The following DNAH14 variants were observed in gnomAD, a reference collection of about 807,000 sequenced individuals.
The protein encoded by DNAH14 is axonemal beta dynein heavy chain 14.
Under a neutral mutation model 520.9 loss-of-function variants are expected in DNAH14, and 478 were observed. The observed-to-expected ratio is 0.92, with a 90% CI of 0.85 to 0.99. The LOEUF is 0.99. DNAH14 is among the 50% of genes least tolerant of loss of function. DNAH14 has a pLI of 0.00. For missense variants in DNAH14, 4,831 were observed against 5,234.5 expected, an observed-to-expected ratio of 0.92 and a Z score of 2.38; for synonymous variants, 1,581 against 1,757.2, an observed-to-expected ratio of 0.90 and a Z score of 2.51.
At chr1:225,010,573 C>T (rs1423163024) in intron 10 of DNAH14, among the ~76,000 whole-genome samples, 1 of 152,078 alleles carries the variant, frequency 6.6e-6, no homozygotes, top group African/African-American at 2.4e-5. Context: ...TGTTGTGTCT[C>T]TACCAGGTTT....
At chr1:225,309,133 T>C (rs763410574) in intron 60 of DNAH14, among the ~76,000 whole-genome samples, 4 of 152,228 alleles carry the variant, frequency 2.6e-5, no homozygotes, top group Admixed American at 6.5e-5. Flanking sequence ...TAAATACAGA[T>C]TGCAAATAGT....
intron 42 of DNAH14, among the ~76,000 whole-genome samples, chr1:225,239,414 G>A (rs940584697): frequency 2.0e-5 from 3 of 152,124 alleles, no homozygotes; most frequent in Non-Finnish European, 4.4e-5. Context: ...GGTTCCCTTG[G>A]CTGGGGGTGG....
At chr1:225,021,578 G>A (rs1221574517) in intron 10 of DNAH14, among the ~76,000 whole-genome samples, 1 of 152,056 alleles carries the variant, frequency 6.6e-6, no homozygotes, top group Non-Finnish European at 1.5e-5. Context: ...AGTTAACCAA[G>A]GTGGTGATAG....
intron 77 of DNAH14, among the ~76,000 whole-genome samples, chr1:225,369,309 T>C (rs1041234977): frequency 2.0e-5 from 3 of 151,936 alleles, no homozygotes; most frequent in African/African-American, 7.3e-5. Flanking sequence ...TAAATTGGGT[T>C]ACAAAACAAA....
intron 77 of DNAH14, among the ~76,000 whole-genome samples, chr1:225,370,148 C>G (rs2095602197): frequency 6.6e-6 from 1 of 152,040 alleles, no homozygotes; most frequent in Non-Finnish European, 1.5e-5. Context: ...ATTAGCCTGG[C>G]GTGGTGGCAC....
intron 60 of DNAH14, among the ~76,000 whole-genome samples, chr1:225,310,728 G>A (rs1475601326): frequency 6.6e-6 from 1 of 152,170 alleles, no homozygotes; most frequent in Non-Finnish European, 1.5e-5. Flanking sequence ...TTAGTTTGCT[G>A]AGAGTGATGG....
chr1:225,056,827 G>A (rs941631920), intron 17 of DNAH14, among the ~76,000 whole-genome samples: 1 of 152,194 alleles, frequency 6.6e-6, no homozygotes, highest in African/African-American at 2.4e-5. Flanking sequence ...GTTTGTCAAA[G>A]ATCAGATGGT....
rs3047105 is a variant in DNAH14, at chr1:225,049,773, CCTATCTAT to C, written c.1913-407_1913-400del. 3.6e-3 allele frequency among the ~76,000 whole-genome samples: 522 copies of C among 143,014 alleles called. 6 individuals are homozygous for C. Among genetic ancestry groups the C allele is most frequent in the African/African-American group, 8.8e-3 (348 of 39,722 alleles). The allele number at this position is 143,014 out of a possible 152,430, so 93.8% of individuals were successfully genotyped here. A position where few individuals can be genotyped will look rare whatever the true frequency, so the allele number is the denominator to read the frequency against. On this transcript the variant is annotated intron_variant, in intron 15 of 85. Transcript: ENST00000682510. ...GTTTATCTATCTGTCTATCTATCTACCTATCTATCTATCTATCTATCTATCTATCTATC... is the reference window on the plus strand; with the variant it reads ...GTTTATCTATCTGTCTATCTATCTACCTATCTATCTATCTATCTATCTATC...
At chr1:225,006,047 T>A (rs2064143021) in intron 9 of DNAH14, among the ~76,000 whole-genome samples, 2 of 152,180 alleles carry the variant, frequency 1.3e-5, no homozygotes, top group African/African-American at 2.4e-5. Flanking sequence ...CATGGACATT[T>A]ATTAGTTCCC....
chr1:224,987,191 G>A (rs1240132008), intron 8 of DNAH14, among the ~76,000 whole-genome samples: 1 of 152,106 alleles, frequency 6.6e-6, no homozygotes, highest in African/African-American at 2.4e-5. Context: ...TAGAGTCCCA[G>A]GAGATGTGAT....
chr1:225,350,496 G>T (rs1424856497), intron 71 of DNAH14, among the ~76,000 whole-genome samples: 1 of 151,794 alleles, frequency 6.6e-6, no homozygotes, highest in African/African-American at 2.4e-5. Context: ...AATAAAATTT[G>T]CAAACCTTGA....
intron 44 of DNAH14, among the ~76,000 whole-genome samples, chr1:225,255,193 A>T (rs1246232840): frequency 1.3e-5 from 2 of 152,124 alleles, no homozygotes; most frequent in African/African-American, 4.8e-5. Flanking sequence ...TTTTATTTTG[A>T]TTTCCACTAA....
At chr1:225,248,651 G>A (rs2092411562) in intron 43 of DNAH14, among the ~76,000 whole-genome samples, 1 of 152,156 alleles carries the variant, frequency 6.6e-6, no homozygotes, top group Non-Finnish European at 1.5e-5. Context: ...TGCTGAGAGA[G>A]CCTAGAAGAG....
At chr1:225,117,624 T>C in intron 23 of DNAH14, 60 bp from the exon 24 acceptor site, 1 of 1,032,576 alleles carries the variant, frequency 9.7e-7, no homozygotes, top group Non-Finnish European at 1.4e-6. Flanking sequence ...AAAATGAGGA[T>C]GTAATTCATA....
At chr1:225,248,800 G>A (rs1195387033) in intron 43 of DNAH14, among the ~76,000 whole-genome samples, 1 of 152,116 alleles carries the variant, frequency 6.6e-6, no homozygotes, top group Non-Finnish European at 1.5e-5. Context: ...TAGGGAAAAG[G>A]GGAACACCAG....
At chr1:225,195,918 C>G (rs1317899681) in intron 38 of DNAH14, among the ~76,000 whole-genome samples, 1 of 151,890 alleles carries the variant, frequency 6.6e-6, no homozygotes, top group Non-Finnish European at 1.5e-5. Flanking sequence ...TTGCCACAAA[C>G]TTTTGTAAAG....
chr1:224,980,882 C>T (rs1449823994), intron 8 of DNAH14, among the ~76,000 whole-genome samples: 3 of 152,174 alleles, frequency 2.0e-5, no homozygotes, highest in Non-Finnish European at 4.4e-5. Context: ...GGAGAAATAC[C>T]TCATGTAGAT....
At chr1:225,320,821 G>A (rs1235141528) in intron 61 of DNAH14, among the ~76,000 whole-genome samples, 4 of 152,180 alleles carry the variant, frequency 2.6e-5, no homozygotes, top group Non-Finnish European at 4.4e-5. Flanking sequence ...CAGTAGACAC[G>A]TGTCACTTTG....
intron 10 of DNAH14, 53 bp downstream of exon 10, chr1:225,007,597 C>G: frequency 7.3e-7 from 1 of 1,375,844 alleles, no homozygotes; most frequent in South Asian, 1.5e-5. Context: ...CTAGCTGAAG[C>G]AATTGATCCA....
Sources: allele counts gnomAD v4.1 joint callset (sites outside exome capture counted in the v4.1 genomes callset), GRCh38; gene constraint gnomAD v4.1.1; transcripts MANE v1.5; gene names NCBI Gene and HGNC (gene_info 2026-07-23, HGNC 2026-07-21).